Variants in OR4P4 observed in about 807,000 individuals in gnomAD.
OR4P4 encodes olfactory receptor family 4 subfamily P member 4.
A neutral mutation model predicts 2.1 loss-of-function variants in OR4P4; 1 was observed. The observed-to-expected ratio is 0.47, with a 90% CI of 0.17 to 2.21. The LOEUF (loss-of-function observed/expected upper bound fraction) is 2.21. Among genes scored for constraint, OR4P4 ranks in the 30% most tolerant of loss-of-function variants. The pLI is 0.27. For synonymous variants in OR4P4, 129 were observed against 133.2 expected, an observed-to-expected ratio of 0.97 and a Z score of 0.22; for missense variants, 375 against 376.5, an observed-to-expected ratio of 1.00 and a Z score of 0.03.
At chr11:55,640,140 T>C (rs1057433316) in exon 2 of OR4P4, 4 of 133,272 alleles carry the variant, frequency 3.0e-5, no homozygotes, top group African/African-American at 1.0e-4. Flanking sequence ...TCTGAAATAA[T>C]AATAATAATA....
rs1337122714 is a variant in OR4P4, at chr11:55,638,273, T to C, written c.-30-55T>C. 2.0e-5 allele frequency: 13 copies of C among 664,426 alleles called. 1 individual carries two copies. The highest frequency in any genetic ancestry group is 2.2e-5 in the Non-Finnish European group (9 of 412,610). 41.2% of individuals were successfully genotyped at this position (664,426 alleles called of 1,614,324 possible). A position where few individuals can be genotyped will look rare whatever the true frequency, so the allele number is the denominator to read the frequency against. ...TCTAGCTAGTTCCTCAAATAAAATATGATCATTGTACTTCTTAACAAAGAC... is the reference window on the plus strand; with the variant it reads ...TCTAGCTAGTTCCTCAAATAAAATACGATCATTGTACTTCTTAACAAAGAC... On this transcript the variant is annotated intron_variant, in intron 1 of 1. Transcript: ENST00000641760.
exon 2 of OR4P4, chr11:55,639,195 T>C (rs1432236724): frequency 6.7e-7 from 1 of 1,489,296 alleles, no homozygotes; most frequent in Non-Finnish European, 9.1e-7. Context: ...TGCTCCCATG[T>C]TCAACCCTCT....
intron 1 of OR4P4, among the ~76,000 whole-genome samples, chr11:55,636,439 G>A (rs1430709475): frequency 3.6e-5 from 5 of 137,882 alleles, no homozygotes; most frequent in South Asian, 4.7e-4. Context: ...TGTCTAAAAT[G>A]GAGCGATGAC....
intron 1 of OR4P4, 108 bp from the exon 2 acceptor site, chr11:55,638,220 C>T (rs1292375054): frequency 9.7e-6 from 5 of 514,812 alleles, no homozygotes; most frequent in African/African-American, 1.9e-5. Flanking sequence ...TATTTACTCT[C>T]TGAACCACTT....
At chr11:55,637,794 CAACTT>C (rs1405372415) in intron 1 of OR4P4, among the ~76,000 whole-genome samples, 1 of 138,236 alleles carries the variant, frequency 7.2e-6, no homozygotes, top group African/African-American at 2.5e-5. Context: ...TCAAGACTAA[CAACTT>C]AAGATATGTT....
At chr11:55,638,206 CA>C in intron 1 of OR4P4, 121 bp from the exon 2 acceptor site, 1 of 463,238 alleles carries the variant, frequency 2.2e-6, no homozygotes, top group Non-Finnish European at 3.8e-6. Context: ...AATTGAATAC[CA>C]GATATTTACT....
intron 1 of OR4P4, among the ~76,000 whole-genome samples, chr11:55,636,001 G>A (rs1858384441): frequency 7.3e-6 from 1 of 137,736 alleles, no homozygotes; most frequent in African/African-American, 2.5e-5. Flanking sequence ...GGGACATGCT[G>A]TTACAACTCT....
At chr11:55,636,734 A>G (rs576910983) in intron 1 of OR4P4, among the ~76,000 whole-genome samples, 1 of 138,034 alleles carries the variant, frequency 7.2e-6, no homozygotes, top group East Asian at 2.3e-4. Context: ...TGATATTAGC[A>G]CAACGATATC....
rs1460521890 is a variant in OR4P4, at chr11:55,636,431, T to C, written c.-31+1215T>C. Among the ~76,000 whole-genome samples the C allele has an allele frequency of 1.4e-5, 2 of 138,260 alleles. 1 individual carries two copies. Among genetic ancestry groups the C allele is most frequent in the Non-Finnish European group, 3.2e-5 (2 of 61,900 alleles). 90.7% of individuals were successfully genotyped at this position (138,260 alleles called of 152,430 possible). On this transcript the variant is annotated intron_variant, in intron 1 of 1. Coordinates refer to ENST00000641760, the Ensembl canonical transcript of OR4P4. ...GACATTTTCCATTTAAGTATCACTG[T>C]CTAAAATGGAGCGATGACTGAAATT...
chr11:55,638,674 G>A (rs1858420061), exon 2 of OR4P4: 2 of 1,491,064 alleles, frequency 1.3e-6, no homozygotes, highest in Non-Finnish European at 9.1e-7. Flanking sequence ...CATTTTTTTG[G>A]AGGCATAGAG....
At chr11:55,635,688 T>A (rs1858378806) in intron 1 of OR4P4, among the ~76,000 whole-genome samples, 1 of 138,064 alleles carries the variant, frequency 7.2e-6, no homozygotes, top group South Asian at 2.4e-4. Flanking sequence ...AGATTCTGAA[T>A]AAATTCAGAG....
rs2120177808 is a variant in OR4P4, at chr11:55,635,222, T to C, written c.-31+6T>C. 7.3e-6 allele frequency: 1 copy of C among 137,898 alleles called. No homozygotes were observed. The highest frequency in any genetic ancestry group is 2.3e-4 in the South Asian group (1 of 4,262). 8.5% of individuals were successfully genotyped at this position (137,898 alleles called of 1,614,324 possible). A position where few individuals can be genotyped will look rare whatever the true frequency, so the allele number is the denominator to read the frequency against. ...GTCTAAGAGGATGCTAATTGGTGAG[T>C]TGATTACATGGGGGACATATAAATA... On this transcript the variant is annotated splice_donor_region_variant and intron_variant, in intron 1 of 1. Transcript: ENST00000641760.
chr11:55,638,664 C>T lies in OR4P4; in HGVS notation c.307C>T (p.His103Tyr), dbSNP rs1282789805. 3 of 1,492,250 alleles carry T rather than the reference C, an allele frequency of 2.0e-6. 1 individual carries two copies. The highest frequency in any genetic ancestry group is 1.2e-5 in the South Asian group (1 of 84,950). The allele number at this position is 1,492,250 out of a possible 1,614,324, so 92.4% of individuals were successfully genotyped here. A position where few individuals can be genotyped will look rare whatever the true frequency, so the allele number is the denominator to read the frequency against. Residue 103 changes from histidine to tyrosine, a missense_variant, in exon 2 of 2, where the codon CAT becomes TAT. By Grantham distance (83) the His-to-Tyr change is moderately conservative. Transcript: ENST00000641760. ...CTGTATGATACAACTCTTTACCACC[C>T]ATTTTTTTGGAGGCATAGAGATCTT...
rs1278512937 is a variant in OR4P4 at position 55,638,570 on chromosome 11, C to G, written c.213C>G (p.Tyr71Ter). The G allele has an allele frequency of 6.8e-7, 1 of 1,479,132 alleles. No homozygotes were observed. Among genetic ancestry groups the G allele is most frequent in the Non-Finnish European group, 9.2e-7 (1 of 1,086,950 alleles). The allele number at this position is 1,479,132 out of a possible 1,614,324, so 91.6% of individuals were successfully genotyped here. Reference sequence around the variant, plus strand: ...ACCTCTCACTCTCCGACCTTTGCTACACATCCACAGTGACCCCCAAATTAA... The same window carrying G: ...ACCTCTCACTCTCCGACCTTTGCTAGACATCCACAGTGACCCCCAAATTAA... The change falls in exon 2 of 2, where the codon TAC becomes TAG. Residue 71 changes from tyrosine (Y) to a stop codon, truncating the protein, a stop_gained. Transcript: ENST00000641760. LOFTEE classifies it low-confidence loss of function (END_TRUNC).
chr11:55,639,143 A>G (rs144624416), exon 2 of OR4P4: 1 of 1,494,104 alleles, frequency 6.7e-7, no homozygotes, highest in African/African-American at 1.4e-5. Flanking sequence ...CGGTCACAAC[A>G]TTCTCAGAAG....
rs1858429311 is a variant in OR4P4, at chr11:55,639,183, A to AT, written c.828dup (p.Ala277CysfsTer62). The AT allele has an allele frequency of 6.7e-7, 1 of 1,488,086 alleles. No individual in the cohort carries two copies. The highest frequency in any genetic ancestry group is 1.4e-5 in the African/African-American group (1 of 72,636). 92.2% of individuals were successfully genotyped at this position (1,488,086 alleles called of 1,614,324 possible). On this transcript the variant is annotated frameshift_variant, in exon 2 of 2. Transcript: ENST00000641760. LOFTEE classifies it low-confidence loss of function (END_TRUNC). ...AGTGTTTGCCCTTTTTTATACCATC[A>AT]TTGCTCCCATGTTCAACCCTCTCAT...
rs1283616037 is a variant in OR4P4, at chr11:55,635,443, G to T, written c.-31+227G>T. Among the ~76,000 whole-genome samples, 2 of 136,740 alleles carry T rather than the reference G, an allele frequency of 1.5e-5. 1 individual carries two copies. The highest frequency in any genetic ancestry group is 1.6e-4 in the Admixed American group (2 of 12,550). The allele number at this position is 136,740 out of a possible 152,430, so 89.7% of individuals were successfully genotyped here. On this transcript the variant is annotated intron_variant, in intron 1 of 1. Transcript: ENST00000641760. ...TCTTGCCTTCAAACTTTTTTTTATGGGGTGGCCTCCCATCATTTATTTGAT... is the reference window on the plus strand; with the variant it reads ...TCTTGCCTTCAAACTTTTTTTTATGTGGTGGCCTCCCATCATTTATTTGAT...
In OR4P4 at chr11:55,638,384, G is replaced by C; in HGVS notation, c.27G>C (p.Leu9Phe). ...TGGAAAAAAGCAATAATAGCACTTT[G>C]TTTATTCTCTTGGGGTTTTCCCAAA... The change falls in exon 2 of 2, where the codon TTG becomes TTC. Residue 9 changes from leucine (L) to phenylalanine (F), a missense_variant. Leu to Phe is a conservative substitution (Grantham distance 22). Transcript: ENST00000641760. 4 of 1,420,130 alleles carry C rather than the reference G, an allele frequency of 2.8e-6. 1 individual carries two copies. The highest frequency in any genetic ancestry group is 3.8e-6 in the Non-Finnish European group (4 of 1,050,816). The allele number at this position is 1,420,130 out of a possible 1,614,324, so 88.0% of individuals were successfully genotyped here.
At chr11:55,636,735 C>T (rs1356505276) in intron 1 of OR4P4, among the ~76,000 whole-genome samples, 1 of 137,738 alleles carries the variant, frequency 7.3e-6, no homozygotes, top group Non-Finnish European at 1.6e-5. Flanking sequence ...GATATTAGCA[C>T]AACGATATCA....
Sources: allele counts gnomAD v4.1 joint callset (sites outside exome capture counted in the v4.1 genomes callset), GRCh38; gene constraint gnomAD v4.1.1; transcripts MANE v1.5; gene names NCBI Gene and HGNC (gene_info 2026-07-23, HGNC 2026-07-21).